USP20: variants seen among roughly 807,000 people sequenced by gnomAD.
USP20 encodes ubiquitin carboxyl-terminal hydrolase 20.
In USP20, 80 loss-of-function variants were observed where a neutral mutation model predicts 124.2. The ratio of observed to expected loss-of-function variants is 0.64; its 90% CI spans 0.54 to 0.78. The LOEUF is 0.78. Among genes scored for constraint, USP20 ranks in the 30% least tolerant of loss-of-function variants. The pLI is 0.00. For synonymous variants in USP20, 481 were observed against 512.3 expected, an observed-to-expected ratio of 0.94 and a Z score of 0.83; for missense variants, 1,043 against 1,244.4, an observed-to-expected ratio of 0.84 and a Z score of 2.44.
chr9:129,857,738 G>T (rs62583562), intron 4 of USP20, among the ~76,000 whole-genome samples: 9,713 of 152,262 alleles, frequency 0.064, 422 homozygotes, highest in Middle Eastern at 0.14. Flanking sequence ...TGGAGGGAGA[G>T]GGTCTTGGTC....
chr9:129,868,590 G>C (rs1384566137), intron 11 of USP20, 141 bp downstream of exon 11: 8 of 1,435,752 alleles, frequency 5.6e-6, no homozygotes, highest in Non-Finnish European at 7.3e-6. Flanking sequence ...CAGCCTCCGG[G>C]GGGGCTCAGT....
intron 17 of USP20, among the ~76,000 whole-genome samples, chr9:129,874,056 G>A (rs1180301648): frequency 1.3e-5 from 2 of 152,234 alleles, no homozygotes; most frequent in South Asian, 4.1e-4. Context: ...GCTCCTGCCA[G>A]CTGCAGAGTG....
At position 129,873,506 on chromosome 9, in the gene USP20, G is replaced by T. The variant is rs199613570; in HGVS notation, c.1685G>T (p.Arg562Leu). Residue 562 changes from arginine (R) to leucine (L), a missense_variant, in exon 16 of 26, where the codon CGG becomes CTG. By Grantham distance (102) the Arg-to-Leu change is moderately radical. Coordinates refer to ENST00000372429, the MANE Select transcript of USP20 (RefSeq NM_001110303.4). ...GGTGACAACATGTACAGCTGTGAGC[G>T]GTGTAAGAAGTAAGTGAGCCTTCCC... ...LKGDNMYSCE[R>L]CKKLRNGVKY... The T allele has an allele frequency of 1.9e-6, 3 of 1,614,108 alleles. No individual in the cohort carries two copies. Among genetic ancestry groups the T allele is most frequent in the Admixed American group, 3.3e-5 (2 of 60,010 alleles).
intron 1 of USP20, among the ~76,000 whole-genome samples, chr9:129,849,199 C>T (rs2032760375): frequency 6.6e-6 from 1 of 152,208 alleles, no homozygotes; most frequent in South Asian, 2.1e-4. Flanking sequence ...TCCAGCAGAC[C>T]TGTGCAGGTT....
In USP20 at chr9:129,856,370, C is replaced by T; in HGVS notation, c.135+10C>T. 6.2e-7 allele frequency: 1 copy of T among 1,614,062 alleles called. No homozygotes were observed. Among genetic ancestry groups the T allele is most frequent in the Non-Finnish European group, 8.5e-7 (1 of 1,179,962 alleles). ...ATGGGCCTGTCTGCAGGTAAAAGAC[C>T]CTTGTGGCCATCAGGGGTGTAGAGC... On this transcript the variant is annotated intron_variant, in intron 4 of 25. Transcript: ENST00000372429.
At chr9:129,861,657 A>G (rs2033557029) in intron 8 of USP20, 45 bp downstream of exon 8, 1 of 1,595,070 alleles carries the variant, frequency 6.3e-7, no homozygotes, top group Non-Finnish European at 8.6e-7. Context: ...TCCCTGGCAA[A>G]GCCCCGGAAA....
chr9:129,861,274 C>T (rs1030914800), intron 7 of USP20, among the ~76,000 whole-genome samples: 2 of 152,194 alleles, frequency 1.3e-5, no homozygotes, highest in South Asian at 2.1e-4. Context: ...GCAGGCCGAC[C>T]CCTCTGCTGT....
Position 129,845,672 on chromosome 9 carries a change from G to T in USP20, c.-128-4141G>T, listed in dbSNP as rs369931039. Among the ~76,000 whole-genome samples, 40 of 152,068 alleles carry T rather than the reference G, an allele frequency of 2.6e-4. No individual in the cohort carries two copies. The East Asian group carries it at 7.0e-3, about 27-fold the overall frequency. Reference sequence around the variant, plus strand: ...TCCCAAAAGCACTAGGATTACAGGCGTGAGCCACTGTGACTGACCTTATTA... The same window carrying T: ...TCCCAAAAGCACTAGGATTACAGGCTTGAGCCACTGTGACTGACCTTATTA... On this transcript the variant is annotated intron_variant, in intron 1 of 25. Transcript: ENST00000372429.
intron 8 of USP20, among the ~76,000 whole-genome samples, chr9:129,862,955 G>GATGAA (rs1564209051): frequency 6.6e-6 from 1 of 150,964 alleles, no homozygotes; most frequent in Admixed American, 6.6e-5. Context: ...GATAAGATGA[G>GATGAA]ATAAAATAAA....
At chr9:129,864,735 C>T (rs1588271239) in intron 9 of USP20, among the ~76,000 whole-genome samples, 1 of 143,066 alleles carries the variant, frequency 7.0e-6, no homozygotes, top group East Asian at 2.1e-4. Flanking sequence ...GATCATGCCA[C>T]TGCACTCTAG....
chr9:129,871,884 T>C (rs2034145902), intron 15 of USP20, among the ~76,000 whole-genome samples: 1 of 151,638 alleles, frequency 6.6e-6, no homozygotes, highest in Non-Finnish European at 1.5e-5. Context: ...GGCTGGCTAA[T>C]TTTTGTATTT....
chr9:129,870,939 G>C (rs1470355035), intron 15 of USP20, among the ~76,000 whole-genome samples: 1 of 151,102 alleles, frequency 6.6e-6, no homozygotes, highest in Admixed American at 6.6e-5. Flanking sequence ...TTGGCTATTT[G>C]GCATCTAAAC....
rs2033858488 is a variant in USP20, at chr9:129,867,178, G to A, written c.691-827G>A. Reference sequence around the variant, plus strand: ...CCTTCTCCAATGCCCAGCACCACCCGAGCACCCGCTAGCTGCTGGGGTCTG... The same window carrying A: ...CCTTCTCCAATGCCCAGCACCACCCAAGCACCCGCTAGCTGCTGGGGTCTG... On this transcript the variant is annotated intron_variant, in intron 10 of 25. Coordinates refer to ENST00000372429, the MANE Select transcript of USP20 (RefSeq NM_001110303.4). 3.3e-5 allele frequency among the ~76,000 whole-genome samples: 5 copies of A among 152,116 alleles called. 1 individual carries two copies. The East Asian group carries it at 5.8e-4, about 18-fold the overall frequency.
chr9:129,869,139 T>C (rs2033986077), intron 12 of USP20, 137 bp downstream of exon 12: 2 of 1,405,582 alleles, frequency 1.4e-6, no homozygotes, highest in Admixed American at 4.7e-5. Context: ...GACACCAGTG[T>C]GGGAGCCACG....
At chr9:129,876,503 G>C (rs960297261) in intron 22 of USP20, among the ~76,000 whole-genome samples, 24 of 152,190 alleles carry the variant, frequency 1.6e-4, no homozygotes, top group Admixed American at 1.6e-3. Context: ...GCTGGGCTTG[G>C]TGGCAGGTGC....
rs143014400 is a variant in USP20, at chr9:129,879,288, G to A, written c.2513-285G>A. 116 of 439,672 alleles carry A rather than the reference G, an allele frequency of 2.6e-4. No homozygotes were observed. The highest frequency in any genetic ancestry group is 1.9e-3 in the African/African-American group (95 of 49,794). 27.2% of individuals were successfully genotyped at this position (439,672 alleles called of 1,614,324 possible). ...AATGAGATAGCTGGGCAGAGGGGAA[G>A]GGGCGTGGTGAGCGGCAGCTGCCAG... is the stretch of plus-strand genomic sequence containing the variant. On this transcript the variant is annotated intron_variant, in intron 23 of 25. Transcript: ENST00000372429. The surrounding 1 kb of genome is among the most constrained non-coding windows in gnomAD (Gnocchi z 4.2).
chr9:129,838,024 C>T (rs561173560), intron 1 of USP20, among the ~76,000 whole-genome samples: 1 of 151,550 alleles, frequency 6.6e-6, no homozygotes, highest in African/African-American at 2.4e-5. Flanking sequence ...CTTGGAGAAG[C>T]CATGCACGTT....
At chr9:129,876,019 A>C in intron 21 of USP20, 111 bp from the exon 22 acceptor site, 1 of 964,596 alleles carries the variant, frequency 1.0e-6, no homozygotes, top group Non-Finnish European at 1.5e-6. Context: ...CAGGCCTGCG[A>C]CAGCGCTGAG....
At chr9:129,843,997 G>T (rs2032389098) in intron 1 of USP20, among the ~76,000 whole-genome samples, 2 of 152,180 alleles carry the variant, frequency 1.3e-5, no homozygotes, top group East Asian at 1.9e-4. Flanking sequence ...AGCCCAGGGA[G>T]GTAGAGGCTG....
Sources: allele counts gnomAD v4.1 joint callset (sites outside exome capture counted in the v4.1 genomes callset), GRCh38; gene constraint gnomAD v4.1.1; non-coding constraint Gnocchi (gnomAD v3.1); transcripts MANE v1.5; gene names NCBI Gene and HGNC (gene_info 2026-07-23, HGNC 2026-07-21).